DYNC2H1: variants seen among roughly 807,000 people sequenced by gnomAD.
DYNC2H1 encodes the protein dynein cytoplasmic 2 heavy chain 1, also known as cytoplasmic dynein 2 heavy chain 1.
DYNC2H1 carries 410 observed loss-of-function variants against 570.0 expected under a neutral mutation model. That is an observed-to-expected ratio of 0.72 (90% CI 0.66 to 0.78). DYNC2H1 has a LOEUF of 0.78. Ranked by LOEUF, DYNC2H1 falls within the 30% of genes least tolerant of loss-of-function variation. The probability of loss-of-function intolerance (pLI) is 0.00; values close to 1 mark genes in which losing one functional copy is unlikely to be tolerated. For synonymous variants in DYNC2H1, 1,688 were observed against 1,677.6 expected (o/e 1.01, Z -0.15); for missense variants, 4,865 against 5,046.4 (o/e 0.96, Z 1.09).
rs1008906144 is a variant in DYNC2H1 at position 103,461,587 on chromosome 11, T to A, written c.12648+5231T>A. Among the ~76,000 whole-genome samples, 1 of 152,172 alleles carries A rather than the reference T, an allele frequency of 6.6e-6. No homozygotes were observed. ...TGAGAGAGGATTGCCCTAGCAACAC[T>A]TCGAGTGCTCAGTAGCCATATGCGG... On this transcript the variant is annotated intron_variant, in intron 87 of 88. Transcript: ENST00000375735. The surrounding 1 kb of genome is among the most constrained non-coding windows in gnomAD (Gnocchi z 4.8).
At chr11:103,142,925 G>C (rs1860033046) in intron 17 of DYNC2H1, among the ~76,000 whole-genome samples, 1 of 152,128 alleles carries the variant, frequency 6.6e-6, no homozygotes, top group Non-Finnish European at 1.5e-5. Context: ...TAGATTTCTA[G>C]GATGAATCTG....
chr11:103,458,056 C>T (rs542063602), intron 87 of DYNC2H1, among the ~76,000 whole-genome samples: 2 of 152,288 alleles, frequency 1.3e-5, no homozygotes, highest in South Asian at 2.1e-4. Flanking sequence ...ATAAAGTCTA[C>T]AGTAATATAT....
At chr11:103,345,116 G>A (rs1462665792) in intron 82 of DYNC2H1, among the ~76,000 whole-genome samples, 2 of 152,162 alleles carry the variant, frequency 1.3e-5, no homozygotes, top group Non-Finnish European at 2.9e-5. Context: ...TGTTGCAAGG[G>A]ATGTCCTAGG....
intron 13 of DYNC2H1, among the ~76,000 whole-genome samples, chr11:103,130,026 G>T (rs896244764): frequency 2.0e-5 from 3 of 152,154 alleles, no homozygotes; most frequent in South Asian, 2.1e-4. Flanking sequence ...ATGGGGTGAA[G>T]TCCCAAGAAA....
chr11:103,386,004 AG>A (rs1280751962), intron 83 of DYNC2H1, among the ~76,000 whole-genome samples: 4 of 152,218 alleles, frequency 2.6e-5, no homozygotes, highest in Admixed American at 1.3e-4. Flanking sequence ...AATCTGATCT[AG>A]AATACCTCTG....
At chr11:103,169,952 T>G (rs1035070807) in intron 32 of DYNC2H1, among the ~76,000 whole-genome samples, 156 bp from the exon 33 acceptor site, 2 of 152,236 alleles carry the variant, frequency 1.3e-5, no homozygotes, top group Non-Finnish European at 2.9e-5. Context: ...TTAGAAAGCT[T>G]CTTTCACTAG....
In DYNC2H1 at chr11:103,129,644, A is replaced by T. The variant is rs942896300; in HGVS notation, c.1953+639A>T. Among the ~76,000 whole-genome samples the T allele has an allele frequency of 1.3e-5, 2 of 151,266 alleles. No homozygotes were observed. Among genetic ancestry groups the T allele is most frequent in the African/African-American group, 4.8e-5 (2 of 41,390 alleles). On this transcript the variant is annotated intron_variant, in intron 13 of 88. Coordinates refer to ENST00000375735, the MANE Select transcript of DYNC2H1 (RefSeq NM_001377.3). This position sits in a 1 kb window ranked among gnomAD's most constrained non-coding sequence, Gnocchi z 4.1. Reference sequence around the variant, plus strand: ...GGTTGCAGTGGGTCGAGATCGTGCCACTGCACTCTAGCCTGGGAGACAGAG... The same window carrying T: ...GGTTGCAGTGGGTCGAGATCGTGCCTCTGCACTCTAGCCTGGGAGACAGAG...
At position 103,324,011 on chromosome 11, in the gene DYNC2H1, A is replaced by G. The variant is rs1353415459; in HGVS notation, c.12039+21A>G. 2.6e-6 allele frequency: 4 copies of G among 1,566,814 alleles called. No individual in the cohort carries two copies. Among genetic ancestry groups the G allele is most frequent in the Non-Finnish European group, 1.7e-6 (2 of 1,158,946 alleles). On this transcript the variant is annotated intron_variant, in intron 82 of 88. Transcript: ENST00000375735. This position sits in a 1 kb window ranked among gnomAD's most constrained non-coding sequence, Gnocchi z 5.2. ...CTCAGGTAACCTAAAAAAAAGATCT[A>G]CCTTCAAAAAAAGTTGCTAGTGAGC...
intron 83 of DYNC2H1, among the ~76,000 whole-genome samples, chr11:103,382,092 G>T (rs1252041217): frequency 6.9e-6 from 1 of 145,242 alleles, no homozygotes; most frequent in East Asian, 2.0e-4. Flanking sequence ...TTTTTATTAC[G>T]TACCAGCTAC....
rs1327787170 is a variant in DYNC2H1 at position 103,249,908 on chromosome 11, C to T, written c.10043-3377C>T. The stretch of plus-strand genomic sequence containing the variant: ...CCATTGTTTGCTCTTTCTGATCACA[C>T]CCAATTCCCAGGAAAAGTACATTTT... On this transcript the variant is annotated intron_variant, in intron 65 of 88. Coordinates refer to ENST00000375735, the MANE Select transcript of DYNC2H1 (RefSeq NM_001377.3). This position sits in a 1 kb window ranked among gnomAD's most constrained non-coding sequence, Gnocchi z 4.6. 6.6e-6 allele frequency among the ~76,000 whole-genome samples: 1 copy of T among 152,046 alleles called. No individual in the cohort carries two copies. The highest frequency in any genetic ancestry group is 1.5e-5 in the Non-Finnish European group (1 of 67,980).
intron 57 of DYNC2H1, 86 bp from the exon 58 acceptor site, chr11:103,221,944 G>T: frequency 7.3e-7 from 1 of 1,374,336 alleles, no homozygotes; most frequent in Non-Finnish European, 1.0e-6. Context: ...TAAAAGTATT[G>T]CATACACCAT....
intron 31 of DYNC2H1, among the ~76,000 whole-genome samples, chr11:103,168,116 T>C (rs1861408331): frequency 6.6e-6 from 1 of 152,228 alleles, no homozygotes. Context: ...TTTATTTTCT[T>C]GCACACTTTT....
chr11:103,203,836 T>A lies in DYNC2H1; in HGVS notation c.8311+60T>A. 8.5e-7 allele frequency: 1 copy of A among 1,183,074 alleles called. No individual in the cohort carries two copies. Among genetic ancestry groups the A allele is most frequent in the Non-Finnish European group, 1.2e-6 (1 of 843,844 alleles). 73.3% of individuals were successfully genotyped at this position (1,183,074 alleles called of 1,614,324 possible). A position where few individuals can be genotyped will look rare whatever the true frequency, so the allele number is the denominator to read the frequency against. On this transcript the variant is annotated intron_variant, in intron 51 of 88. Coordinates refer to ENST00000375735, the MANE Select transcript of DYNC2H1 (RefSeq NM_001377.3). This position sits in a 1 kb window ranked among gnomAD's most constrained non-coding sequence, Gnocchi z 4.7. ...TGGTTTGTATGAAATATATATCATT[T>A]AATTTGCCTTATTTTGTCATTAGAT...
intron 84 of DYNC2H1, among the ~76,000 whole-genome samples, chr11:103,432,157 A>T (rs1943914844): frequency 6.6e-6 from 1 of 152,062 alleles, no homozygotes; most frequent in Non-Finnish European, 1.5e-5. Context: ...GTCATATAAA[A>T]TCCACTTTTG....
chr11:103,115,492 T>C (rs759256438), intron 4 of DYNC2H1, among the ~76,000 whole-genome samples, 197 bp downstream of exon 4: 3 of 152,142 alleles, frequency 2.0e-5, no homozygotes, highest in Non-Finnish European at 4.4e-5. Context: ...CTCTATAAAA[T>C]ATTTTTCTCA....
chr11:103,205,046 G>T lies in DYNC2H1; in HGVS notation c.8454+82G>T. 2 of 1,283,262 alleles carry T rather than the reference G, an allele frequency of 1.6e-6. No homozygotes were observed. The highest frequency in any genetic ancestry group is 2.1e-6 in the Non-Finnish European group (2 of 938,150). The allele number at this position is 1,283,262 out of a possible 1,614,324, so 79.5% of individuals were successfully genotyped here. ...ATTTTCACAACTTCTCTTTGGTGTT[G>T]GTTATAACATCACCTTAATTATGGC... is the stretch of plus-strand genomic sequence containing the variant. On this transcript the variant is annotated intron_variant, in intron 52 of 88. Transcript: ENST00000375735. This position sits in a 1 kb window ranked among gnomAD's most constrained non-coding sequence, Gnocchi z 4.5.
intron 84 of DYNC2H1, among the ~76,000 whole-genome samples, chr11:103,411,138 G>A (rs1414160525): frequency 6.6e-6 from 1 of 152,070 alleles, no homozygotes; most frequent in African/African-American, 2.4e-5. Context: ...AAATACTTCA[G>A]CGTAAAGTTA....
chr11:103,167,926 G>T (rs1861398295), intron 31 of DYNC2H1, among the ~76,000 whole-genome samples: 1 of 152,060 alleles, frequency 6.6e-6, no homozygotes, highest in African/African-American at 2.4e-5. Flanking sequence ...CCAGTCTTTG[G>T]TTTCTGATTA....
chr11:103,364,056 G>A lies in DYNC2H1; in HGVS notation c.12156+5697G>A, dbSNP rs545641821. Among the ~76,000 whole-genome samples the A allele has an allele frequency of 2.6e-5, 4 of 152,156 alleles. No individual in the cohort carries two copies. The East Asian group carries it at 7.7e-4, about 29-fold the overall frequency. On this transcript the variant is annotated intron_variant, in intron 83 of 88. Transcript: ENST00000375735. Reference sequence around the variant, plus strand: ...TTCTAGATATCTGACAGAGAATGATGAAAAGGAAATGACCAAAGAAAACCA... The same window carrying A: ...TTCTAGATATCTGACAGAGAATGATAAAAAGGAAATGACCAAAGAAAACCA...
Sources: gnomAD v4.1 joint callset for allele counts (sites outside exome capture counted in the v4.1 genomes callset) on GRCh38, gnomAD v4.1.1 for gene constraint, Gnocchi (gnomAD v3.1) non-coding constraint, MANE v1.5 for transcripts, NCBI Gene and HGNC (gene_info 2026-07-23, HGNC 2026-07-21) for gene names.